KAT6A: variants seen among roughly 807,000 people sequenced by gnomAD.
KAT6A encodes lysine acetyltransferase 6A, also known as histone acetyltransferase KAT6A.
A neutral mutation model predicts 198.4 loss-of-function variants in KAT6A; 9 were observed. That is an observed-to-expected ratio of 0.05 (90% confidence interval 0.03 to 0.08). The LOEUF (loss-of-function observed/expected upper bound fraction) is 0.08, where lower values mean the gene tolerates loss of function less well. KAT6A is among the 10% of genes least tolerant of loss of function. KAT6A has a pLI of 1.00. For missense variants in KAT6A, 2,077 were observed against 2,509.9 expected (o/e 0.83, Z 3.69); for synonymous variants, 890 against 883.0 (o/e 1.01, Z -0.14).
At chr8:41,965,652 T>G (rs1280647625) in intron 8 of KAT6A, among the ~76,000 whole-genome samples, 5 of 152,318 alleles carry the variant, frequency 3.3e-5, no homozygotes, top group African/African-American at 1.2e-4. Flanking sequence ...CAGTTAACAT[T>G]GCACCATGCA....
intron 15 of KAT6A, among the ~76,000 whole-genome samples, chr8:41,938,301 A>G (rs1157594396): frequency 2.0e-5 from 3 of 152,180 alleles, no homozygotes; most frequent in Admixed American, 6.5e-5. Context: ...TAACTTCAAA[A>G]TTACTTTGCA....
chr8:42,041,894 GT>G (rs1262873965), intron 2 of KAT6A, among the ~76,000 whole-genome samples: 39 of 151,598 alleles, frequency 2.6e-4, no homozygotes, highest in Non-Finnish European at 1.5e-5. Flanking sequence ...AAGATTTTTT[GT>G]TTTTTTTGTT....
chr8:41,977,754 A>AAC (rs1824133962), intron 6 of KAT6A, among the ~76,000 whole-genome samples: 1 of 152,204 alleles, frequency 6.6e-6, no homozygotes, highest in South Asian at 2.1e-4. Flanking sequence ...TTATCTCTAA[A>AAC]ACACAAGGAT....
At chr8:41,936,771 A>C (rs1039686883) in intron 16 of KAT6A, among the ~76,000 whole-genome samples, 1 of 152,216 alleles carries the variant, frequency 6.6e-6, no homozygotes, top group Non-Finnish European at 1.5e-5. Context: ...GATGTGACAC[A>C]AGTTCCAATT....
chr8:42,024,849 CAT>C (rs1826721376), intron 2 of KAT6A, among the ~76,000 whole-genome samples: 1 of 152,116 alleles, frequency 6.6e-6, no homozygotes, highest in African/African-American at 2.4e-5. Context: ...TTTAACAACT[CAT>C]AGATACTTAG....
chr8:42,035,361 C>A (rs1338220780), intron 2 of KAT6A, among the ~76,000 whole-genome samples: 2 of 152,108 alleles, frequency 1.3e-5, no homozygotes, highest in Non-Finnish European at 2.9e-5. Flanking sequence ...TAAAATACTA[C>A]ACAATGGAAT....
intron 16 of KAT6A, among the ~76,000 whole-genome samples, chr8:41,936,552 A>C (rs1821865168): frequency 6.6e-6 from 1 of 152,238 alleles, no homozygotes; most frequent in Admixed American, 6.5e-5. Context: ...AGGGTGAAAA[A>C]GACTTGTTTC....
At chr8:42,024,778 G>A (rs775327165) in intron 2 of KAT6A, among the ~76,000 whole-genome samples, 1 of 152,064 alleles carries the variant, frequency 6.6e-6, no homozygotes, top group African/African-American at 2.4e-5. Context: ...TTTTTTGATA[G>A]CTGAGTAGTA....
chr8:41,959,773 G>A (rs954028977), intron 8 of KAT6A, among the ~76,000 whole-genome samples: 3 of 151,968 alleles, frequency 2.0e-5, no homozygotes, highest in South Asian at 2.1e-4. Flanking sequence ...CCTGGCCAAC[G>A]TGGTGAAACC....
chr8:41,944,110 G>C, intron 12 of KAT6A, 131 bp from the exon 13 acceptor site: 1 of 608,830 alleles, frequency 1.6e-6, no homozygotes, highest in Non-Finnish European at 2.8e-6. Flanking sequence ...AAAAAAAAAA[G>C]AGAGAAACAA....
intron 8 of KAT6A, among the ~76,000 whole-genome samples, chr8:41,959,180 A>AAAAT (rs1281160673): frequency 1.4e-5 from 2 of 142,546 alleles, no homozygotes; most frequent in Non-Finnish European, 1.5e-5. Flanking sequence ...AAAAAAAAAA[A>AAAAT]GTTGGAAAAG....
At chr8:41,946,541 C>CAG (rs772684274) in intron 12 of KAT6A, 50 bp downstream of exon 12, 9 of 872,664 alleles carry the variant, frequency 1.0e-5, no homozygotes, top group South Asian at 5.3e-5. Flanking sequence ...CACACACACA[C>CAG]AGAGAAGGTC....
chr8:41,974,848 G>C, intron 7 of KAT6A, 26 bp from the exon 8 acceptor site: 1 of 1,441,486 alleles, frequency 6.9e-7, no homozygotes, highest in Non-Finnish European at 9.7e-7. Flanking sequence ...GAGCTCACAT[G>C]TTAACTGTCC....
intron 2 of KAT6A, among the ~76,000 whole-genome samples, chr8:41,990,789 C>T (rs1452870760): frequency 1.3e-5 from 2 of 152,054 alleles, no homozygotes; most frequent in African/African-American, 4.8e-5. Context: ...GTCAGGAGTT[C>T]AAGACCAGCC....
chr8:42,045,107 C>T (rs1337905309), intron 2 of KAT6A, among the ~76,000 whole-genome samples: 1 of 152,148 alleles, frequency 6.6e-6, no homozygotes, highest in Admixed American at 6.5e-5. Context: ...ACAGGAAATT[C>T]ACTACTGAAA....
intron 8 of KAT6A, among the ~76,000 whole-genome samples, chr8:41,967,028 T>C (rs1229326442): frequency 6.6e-6 from 1 of 152,154 alleles, no homozygotes; most frequent in African/African-American, 2.4e-5. Flanking sequence ...TTTTTAATAA[T>C]GATTTAACTC....
At position 42,018,651 on chromosome 8, in the gene KAT6A, G is replaced by A. The variant is rs189005581; in HGVS notation, c.600+29727C>T. ...AAAACACATAGAACAGGCTGGGCGA[G>A]GTGGCTCATGCCTGTAATCCCAACA... On this transcript the variant is annotated intron_variant, in intron 2 of 16. Transcript: ENST00000265713. Among the ~76,000 whole-genome samples, 692 of 152,290 alleles carry A rather than the reference G, an allele frequency of 4.5e-3. 1 individual carries two copies. The highest frequency in any genetic ancestry group is 6.7e-3 in the Non-Finnish European group (455 of 68,030).
intron 8 of KAT6A, 95 bp from the exon 9 acceptor site, chr8:41,955,506 T>C: frequency 2.7e-6 from 2 of 735,250 alleles, no homozygotes; most frequent in South Asian, 3.3e-5. Flanking sequence ...TTCTCAGGAC[T>C]CCAAAGGAGT....
chr8:42,022,789 CA>C (rs1161686768), intron 2 of KAT6A, among the ~76,000 whole-genome samples: 2 of 152,144 alleles, frequency 1.3e-5, no homozygotes, highest in Non-Finnish European at 2.9e-5. Context: ...AAATTAGAAA[CA>C]AATGTCCATT....
Sources: allele counts gnomAD v4.1 joint callset (sites outside exome capture counted in the v4.1 genomes callset), GRCh38; gene constraint gnomAD v4.1.1; transcripts MANE v1.5; gene names NCBI Gene and HGNC (gene_info 2026-07-23, HGNC 2026-07-21).